Variants in LATS1 observed in about 807,000 individuals in gnomAD.
LATS1 encodes the protein large tumor suppressor kinase 1.
LATS1 carries 25 observed loss-of-function variants against 106.6 expected under a neutral mutation model. That is an observed-to-expected ratio of 0.23 (90% CI 0.17 to 0.33). The LOEUF is 0.33. Among genes scored for constraint, LATS1 ranks in the 10% least tolerant of loss-of-function variants. The pLI, the probability that LATS1 is intolerant of heterozygous loss-of-function variation, is 1.00. For missense variants in LATS1, 1,040 were observed against 1,382.6 expected, an observed-to-expected ratio of 0.75 and a Z score of 3.93; for synonymous variants, 465 against 455.6, an observed-to-expected ratio of 1.02 and a Z score of -0.26.
chr6:149,669,529 G>A (rs1000394368), intron 7 of LATS1, among the ~76,000 whole-genome samples: 4 of 151,986 alleles, frequency 2.6e-5, no homozygotes, highest in African/African-American at 7.3e-5. Flanking sequence ...GGAGGCCAAC[G>A]TGGGAGGATT....
At chr6:149,678,585 G>A (rs763582723) in intron 5 of LATS1, among the ~76,000 whole-genome samples, 1 of 152,150 alleles carries the variant, frequency 6.6e-6, no homozygotes, top group Non-Finnish European at 1.5e-5. Flanking sequence ...AGCACAGGAG[G>A]CTAATAATAC....
Position 149,662,043 on chromosome 6 carries a change from T to C in LATS1, c.3079A>G (p.Ile1027Val). 1 of 1,614,168 alleles carries C rather than the reference T, an allele frequency of 6.2e-7. No homozygotes were observed. The highest frequency in any genetic ancestry group is 8.5e-7 in the Non-Finnish European group (1 of 1,180,016). ...SDLRQQSASYIPKITHPTDTS... is the reference protein window; with the variant it reads ...SDLRQQSASYVPKITHPTDTS... ...TCTGTTGGGTGTGTGATTTTAGGAATGTATGAAGCAGACTGCTGTCTCAGG... is the reference window on the plus strand; with the variant it reads ...TCTGTTGGGTGTGTGATTTTAGGAACGTATGAAGCAGACTGCTGTCTCAGG... Residue 1027 changes from isoleucine to valine, a missense_variant, in exon 8 of 8, where the codon ATT (isoleucine) becomes GTT (valine). Transcript: ENST00000543571.
At chr6:149,687,731 C>A (rs1782476280) in intron 3 of LATS1, among the ~76,000 whole-genome samples, 1 of 151,924 alleles carries the variant, frequency 6.6e-6, no homozygotes, top group African/African-American at 2.4e-5. Flanking sequence ...CTAAGCCTAG[C>A]CTATTTTTAA....
chr6:149,704,041 T>C (rs1158594826), intron 1 of LATS1, among the ~76,000 whole-genome samples: 2 of 152,210 alleles, frequency 1.3e-5, no homozygotes, highest in African/African-American at 4.8e-5. Flanking sequence ...TTCGCTCTTG[T>C]TCCCCAGGCT....
intron 4 of LATS1, among the ~76,000 whole-genome samples, chr6:149,682,257 A>G (rs1782078286): frequency 6.6e-6 from 1 of 152,124 alleles, no homozygotes; most frequent in African/African-American, 2.4e-5. Context: ...TCTCCAGTAT[A>G]TTATAAAAAT....
At chr6:149,672,959 C>T (rs368663600) in intron 7 of LATS1, among the ~76,000 whole-genome samples, 3 of 151,788 alleles carry the variant, frequency 2.0e-5, no homozygotes, top group African/African-American at 7.3e-5. Flanking sequence ...AAAACAACAA[C>T]GAAGAAATGG....
At chr6:149,688,374 T>C (rs1782526183) in intron 3 of LATS1, among the ~76,000 whole-genome samples, 1 of 151,994 alleles carries the variant, frequency 6.6e-6, no homozygotes, top group African/African-American at 2.4e-5. Context: ...AATGGCGCAA[T>C]CTCAGCTCAC....
intron 1 of LATS1, among the ~76,000 whole-genome samples, chr6:149,705,104 A>T (rs999150208): frequency 6.6e-6 from 1 of 152,034 alleles, no homozygotes; most frequent in Non-Finnish European, 1.5e-5. Context: ...AAAAAAGATG[A>T]ACTTTTTCAT....
intron 1 of LATS1, among the ~76,000 whole-genome samples, chr6:149,711,059 G>A (rs1003176845): frequency 7.9e-5 from 12 of 152,068 alleles, no homozygotes; most frequent in Non-Finnish European, 1.3e-4. Context: ...TAAAGACGTA[G>A]CCTTCCCATC....
At chr6:149,697,504 A>C (rs1783169568) in intron 2 of LATS1, among the ~76,000 whole-genome samples, 1 of 152,208 alleles carries the variant, frequency 6.6e-6, no homozygotes, top group Non-Finnish European at 1.5e-5. Context: ...TAACTGAATC[A>C]CTATCTTGCT....
At chr6:149,690,213 C>CTTTTTTTT (rs201743580) in intron 3 of LATS1, among the ~76,000 whole-genome samples, 44 of 125,384 alleles carry the variant, frequency 3.5e-4, no homozygotes, top group Non-Finnish European at 4.4e-4. Flanking sequence ...TTCTTTTTTT[C>CTTTTTTTT]TTTTTTTTTT....
In LATS1 at chr6:149,717,983, G is replaced by T; in HGVS notation, c.-275C>A. ...GGGAGACGAACGGGGGGGCTGCCGCGGGCCAGCGCGGCCCGTCCCAGGGGT... is the reference window on the plus strand; with the variant it reads ...GGGAGACGAACGGGGGGGCTGCCGCTGGCCAGCGCGGCCCGTCCCAGGGGT... On this transcript the variant is annotated 5_prime_UTR_variant, in exon 1 of 8. Coordinates refer to ENST00000543571, the MANE Select transcript of LATS1 (RefSeq NM_004690.4). The T allele has an allele frequency of 2.7e-6, 1 of 364,820 alleles. No homozygotes were observed. The highest frequency in any genetic ancestry group is 1.8e-5 in the South Asian group (1 of 54,476). The allele number at this position is 364,820 out of a possible 1,614,324, so 22.6% of individuals were successfully genotyped here. A position where few individuals can be genotyped will look rare whatever the true frequency, so the allele number is the denominator to read the frequency against.
In LATS1 at chr6:149,713,496, A is replaced by G. The variant is rs145369752; in HGVS notation, c.-141+4353T>C. ...TTTTTAGTAGAGACGGGGTTTCTCC[A>G]TGTTGCCTAGGCTGGTCTCGAATGC... On this transcript the variant is annotated intron_variant, in intron 1 of 7. Coordinates refer to ENST00000543571, the MANE Select transcript of LATS1 (RefSeq NM_004690.4). Among the ~76,000 whole-genome samples the G allele has an allele frequency of 1.5e-3, 225 of 149,462 alleles. 5 individuals carry two copies. The East Asian group carries it at 0.039, about 26-fold the overall frequency.
chr6:149,674,919 C>T (rs982980817), intron 7 of LATS1, among the ~76,000 whole-genome samples: 20 of 151,698 alleles, frequency 1.3e-4, no homozygotes, highest in African/African-American at 4.6e-4. Context: ...AAATAAAGTG[C>T]TGGGATTACA....
In LATS1 at chr6:149,661,734, CAT is replaced by C. The variant is rs754538594; in HGVS notation, c.3386_3387del (p.Tyr1129CysfsTer5). 2 of 1,554,348 alleles carry C rather than the reference CAT, an allele frequency of 1.3e-6. No individual in the cohort carries two copies. The highest frequency in any genetic ancestry group is 1.7e-6 in the Non-Finnish European group (2 of 1,153,980). On this transcript the variant is annotated frameshift_variant, in exon 8 of 8. Coordinates refer to ENST00000543571, the MANE Select transcript of LATS1 (RefSeq NM_004690.4). LOFTEE classifies it high-confidence loss of function. ...TACATTTATTTACTAGTGTGTTAAA[CAT>C]ATACTAGATCGCGATTTTTAATCTC... Reference protein sequence around the residue: ...GSEIKNRDLVYV With the variant: ...GSEIKNRDLVXV
chr6:149,662,346 A>T (rs1421387079), intron 7 of LATS1, 108 bp from the exon 8 acceptor site: 13 of 960,382 alleles, frequency 1.4e-5, no homozygotes, highest in Non-Finnish European at 1.8e-5. Context: ...ATTTTAAATA[A>T]ATTACATGAT....
At chr6:149,681,270 T>C (rs1340098260) in intron 4 of LATS1, among the ~76,000 whole-genome samples, 1 of 152,202 alleles carries the variant, frequency 6.6e-6, no homozygotes, top group Non-Finnish European at 1.5e-5. Flanking sequence ...GGCTAATTAA[T>C]AAAGAATTAA....
intron 1 of LATS1, among the ~76,000 whole-genome samples, chr6:149,705,904 C>T (rs1039780959): frequency 5.9e-5 from 9 of 152,014 alleles, no homozygotes; most frequent in African/African-American, 2.2e-4. Flanking sequence ...TATTCCTGAG[C>T]CAGGCACAGT....
chr6:149,677,288 T>TA lies in LATS1; in HGVS notation c.2594-552dup, dbSNP rs893099264. On this transcript the variant is annotated intron_variant, in intron 5 of 7. Coordinates refer to ENST00000543571, the MANE Select transcript of LATS1 (RefSeq NM_004690.4). ...TAAGAAGGTGACTTCAGCTAAACCGTAAAAAAACAAGAAGGACTCAACCAT... is the reference window on the plus strand; with the variant it reads ...TAAGAAGGTGACTTCAGCTAAACCGTAAAAAAAACAAGAAGGACTCAACCAT... Among the ~76,000 whole-genome samples, 29 of 152,126 alleles carry TA rather than the reference T, an allele frequency of 1.9e-4. No homozygotes were observed. The Middle Eastern group carries it at 0.01, about 54-fold the overall frequency.
Sources: gnomAD v4.1 joint callset for allele counts (sites outside exome capture counted in the v4.1 genomes callset) on GRCh38, gnomAD v4.1.1 for gene constraint, MANE v1.5 for transcripts, NCBI Gene and HGNC (gene_info 2026-07-23, HGNC 2026-07-21) for gene names.